The following FHIT variants were observed in gnomAD, a reference collection of about 807,000 sequenced individuals.
The protein encoded by FHIT is fragile histidine triad diadenosine triphosphatase, also known as bis(5'-adenosyl)-triphosphatase.
FHIT carries 19 observed loss-of-function variants against 17.9 expected under a neutral mutation model. That is an observed-to-expected ratio of 1.06 (90% CI 0.74 to 1.56). The LOEUF (loss-of-function observed/expected upper bound fraction) is 1.56, where lower values mean the gene tolerates loss of function less well. Among genes scored for constraint, FHIT ranks in the 40% most tolerant of loss-of-function variants. The pLI, the probability that FHIT is intolerant of heterozygous loss-of-function variation, is 0.00. For synonymous variants in FHIT, 81 were observed against 69.7 expected, an observed-to-expected ratio of 1.16 and a Z score of -0.81; for missense variants, 248 against 189.2, an observed-to-expected ratio of 1.31 and a Z score of -1.82.
chr3:61,084,424 T>C (rs2035243578), intron 2 of FHIT, among the ~76,000 whole-genome samples: 1 of 152,214 alleles, frequency 6.6e-6, no homozygotes, highest in South Asian at 2.1e-4. Flanking sequence ...TTTTGCATAA[T>C]GGTGTTTTGA....
intron 5 of FHIT, among the ~76,000 whole-genome samples, chr3:60,170,341 C>A (rs899806317): frequency 1.3e-5 from 2 of 152,160 alleles, no homozygotes; most frequent in African/African-American, 4.8e-5. Flanking sequence ...ATATATGATT[C>A]TGTAAATCCA....
intron 5 of FHIT, among the ~76,000 whole-genome samples, chr3:60,271,306 G>A (rs1706857143): frequency 6.6e-6 from 1 of 152,166 alleles, no homozygotes; most frequent in Non-Finnish European, 1.5e-5. Flanking sequence ...AGGAGGCTGA[G>A]GCAGGTGAAT....
intron 3 of FHIT, among the ~76,000 whole-genome samples, chr3:60,973,290 C>T (rs1293067411): frequency 6.6e-6 from 1 of 152,152 alleles, no homozygotes; most frequent in East Asian, 1.9e-4. Flanking sequence ...TCTTCAGGGG[C>T]CTCAAGGACC....
At chr3:59,903,559 C>T (rs1431083816) in intron 8 of FHIT, among the ~76,000 whole-genome samples, 1 of 152,134 alleles carries the variant, frequency 6.6e-6, no homozygotes, top group Non-Finnish European at 1.5e-5. Context: ...AAAATGCAGT[C>T]GGTTTTTCTA....
In FHIT at chr3:60,453,412, C is replaced by G. The variant is rs116406973; in HGVS notation, c.103+83448G>C. On this transcript the variant is annotated intron_variant, in intron 5 of 9. Transcript: ENST00000492590. ...AGCATACACTCTCCAGAGGGCTAAA[C>G]TCATTCATTCATTCTTTCCAATGCT... Among the ~76,000 whole-genome samples, 973 of 152,286 alleles carry G rather than the reference C, an allele frequency of 6.4e-3. 10 individuals are homozygous for G. Among genetic ancestry groups the G allele is most frequent in the African/African-American group, 0.023 (942 of 41,560 alleles).
intron 1 of FHIT, among the ~76,000 whole-genome samples, chr3:61,247,868 C>G (rs2040524592): frequency 6.6e-6 from 1 of 152,202 alleles, no homozygotes; most frequent in Admixed American, 6.5e-5. Context: ...TTCATCATCA[C>G]TGTGAGGTAG....
chr3:60,065,925 G>C (rs1032879862), intron 5 of FHIT, among the ~76,000 whole-genome samples: 9 of 152,110 alleles, frequency 5.9e-5, no homozygotes, highest in South Asian at 2.1e-4. Context: ...CATGGTTCCA[G>C]GAAATAGGGT....
chr3:60,610,733 G>T (rs1386894247), intron 4 of FHIT, among the ~76,000 whole-genome samples: 1 of 152,150 alleles, frequency 6.6e-6, no homozygotes, highest in African/African-American at 2.4e-5. Context: ...TTAGATCGCT[G>T]CACATTTTTA....
chr3:61,021,980 A>C (rs1015246978), intron 3 of FHIT, among the ~76,000 whole-genome samples: 2 of 152,208 alleles, frequency 1.3e-5, no homozygotes, highest in African/African-American at 4.8e-5. Context: ...GCAGAAGACA[A>C]GAAATAACTA....
rs564984170 is a variant in FHIT at position 61,159,354 on chromosome 3, C to T, written c.-164+41263G>A. 9.9e-5 allele frequency among the ~76,000 whole-genome samples: 15 copies of T among 152,252 alleles called. No individual in the cohort carries two copies. The South Asian group carries it at 3.1e-3, about 32-fold the overall frequency. ...AAGGCAAATTATAAAAGTTCCCCTC[C>T]CTGCAGAGACGAAGTCCCACAATAG... On this transcript the variant is annotated intron_variant, in intron 2 of 9. Transcript: ENST00000492590.
At chr3:60,331,989 C>T (rs1710000978) in intron 5 of FHIT, among the ~76,000 whole-genome samples, 1 of 152,082 alleles carries the variant, frequency 6.6e-6, no homozygotes, top group Non-Finnish European at 1.5e-5. Flanking sequence ...CTCACCATTT[C>T]TGTGTACCAT....
Position 59,997,272 on chromosome 3 carries a change from T to G in FHIT, c.279+14099A>C, listed in dbSNP as rs552205994. On this transcript the variant is annotated intron_variant, in intron 7 of 9. Coordinates refer to ENST00000492590, the MANE Select transcript of FHIT (RefSeq NM_002012.4). ...ATTCTTTAAAGGGAAAGTAATACAT[T>G]TTCTTTCAACTTCTACAAAGTTTCT... Among the ~76,000 whole-genome samples, 101 of 152,232 alleles carry G rather than the reference T, an allele frequency of 6.6e-4. 1 individual carries two copies. Among genetic ancestry groups the G allele is most frequent in the African/African-American group, 2.2e-3 (92 of 41,576 alleles).
intron 8 of FHIT, among the ~76,000 whole-genome samples, chr3:59,872,168 C>T (rs1488941571): frequency 2.6e-5 from 4 of 152,096 alleles, no homozygotes; most frequent in African/African-American, 9.7e-5. Flanking sequence ...GAGTCCTCAG[C>T]AGGGGAAAGG....
chr3:60,203,136 G>A (rs12495543), intron 5 of FHIT, among the ~76,000 whole-genome samples: 40,930 of 151,832 alleles, frequency 0.27, 5,611 homozygotes, highest in African/African-American at 0.3. Context: ...AGTTACTACA[G>A]TTAAGCAAGA....
At chr3:61,247,856 T>G (rs1460785042) in intron 1 of FHIT, among the ~76,000 whole-genome samples, 3 of 152,230 alleles carry the variant, frequency 2.0e-5, no homozygotes, top group Non-Finnish European at 4.4e-5. Flanking sequence ...CACACTTTCT[T>G]CTTCATCATC....
In FHIT at chr3:60,355,418, C is replaced by G. The variant is rs551851217; in HGVS notation, c.103+181442G>C. On this transcript the variant is annotated intron_variant, in intron 5 of 9. Transcript: ENST00000492590. ...TCTGTTATTTAGTTGTCATTATGAA[C>G]TTTTTGGGTTGCATATCAATCCATT... Among the ~76,000 whole-genome samples the G allele has an allele frequency of 7.1e-4, 108 of 151,794 alleles. 1 individual carries two copies. Among genetic ancestry groups the G allele is most frequent in the Admixed American group, 1.2e-3 (19 of 15,230 alleles).
At chr3:60,520,695 T>G (rs1400017775) in intron 5 of FHIT, among the ~76,000 whole-genome samples, 1 of 151,936 alleles carries the variant, frequency 6.6e-6, no homozygotes, top group East Asian at 1.9e-4. Flanking sequence ...ACTAACATGG[T>G]GTTAGAGGGT....
chr3:61,195,022 T>A (rs2038816256), intron 2 of FHIT, among the ~76,000 whole-genome samples: 1 of 144,084 alleles, frequency 6.9e-6, no homozygotes, highest in African/African-American at 2.5e-5. Context: ...GGGGGTGTGA[T>A]AGTGGGGGAA....
intron 4 of FHIT, among the ~76,000 whole-genome samples, chr3:60,689,256 T>C (rs2040932088): frequency 6.6e-6 from 1 of 152,042 alleles, no homozygotes; most frequent in African/African-American, 2.4e-5. Context: ...AATAAACGTC[T>C]TTGTTTGTGA....
Sources: gnomAD v4.1 joint callset for allele counts (sites outside exome capture counted in the v4.1 genomes callset) on GRCh38, gnomAD v4.1.1 for gene constraint, MANE v1.5 for transcripts, NCBI Gene and HGNC (gene_info 2026-07-23, HGNC 2026-07-21) for gene names.